FAM47E: variants seen among roughly 807,000 people sequenced by gnomAD.
The protein encoded by FAM47E is family with sequence similarity 47 member E, also known as protein FAM47E.
FAM47E carries 32 observed loss-of-function variants against 41.6 expected under a neutral mutation model. The observed-to-expected ratio is 0.77, with a 90% CI of 0.58 to 1.03. The LOEUF (loss-of-function observed/expected upper bound fraction) is 1.03. Among genes scored for constraint, FAM47E ranks in the 50% least tolerant of loss-of-function variants. The pLI is 0.00. For synonymous variants in FAM47E, 184 were observed against 188.7 expected (o/e 0.98, Z 0.20); for missense variants, 424 against 485.4 (o/e 0.87, Z 1.19).
At chr4:76,214,113 T>C (rs1480645344) in exon 1 of FAM47E, 2 of 410,244 alleles carry the variant, frequency 4.9e-6, no homozygotes, top group African/African-American at 4.1e-5. Flanking sequence ...CATTTACTCA[T>C]TCCGCAGATA....
Position 76,256,309 on chromosome 4 carries a change from T to C in FAM47E, c.206T>C (p.Val69Ala). The change falls in exon 2 of 8, where the codon GTC becomes GCC. Residue 69 changes from valine (V) to alanine (A), a missense_variant. Coordinates refer to ENST00000424749, the MANE Select transcript of FAM47E (RefSeq NM_001136570.3). ...CPPCTGLVTQ[V>A]PVEGFLPQIY... is the part of the protein sequence containing the mutation. ...CCTTGCACTGGTCTGGTGACTCAGG[T>C]CCCTGTGGAGGGCTTTCTGCCCCAG... 1 of 1,551,662 alleles carries C rather than the reference T, an allele frequency of 6.4e-7. No homozygotes were observed. The highest frequency in any genetic ancestry group is 1.2e-5 in the South Asian group (1 of 84,062).
At chr4:76,255,128 G>A (rs7666265) in intron 1 of FAM47E, among the ~76,000 whole-genome samples, 32,638 of 152,034 alleles carry the variant, frequency 0.21, 4,927 homozygotes, top group East Asian at 0.74. Flanking sequence ...CATTTTTCCC[G>A]ATTATTTATG....
Position 76,224,632 on chromosome 4 carries a change from G to A in FAM47E, c.81+6944G>A, listed in dbSNP as rs189671640. 2.0e-5 allele frequency among the ~76,000 whole-genome samples: 3 copies of A among 152,244 alleles called. No individual in the cohort carries two copies. In the East Asian group the frequency reaches 5.8e-4, roughly 29 times the overall value. ...AGGCAGAGTGCAGTGGCATGATTTT[G>A]GTTCACTGCAACCTCTGCCTCCCAG... On this transcript the variant is annotated intron_variant, in intron 2 of 7. Coordinates refer to the FAM47E transcript ENST00000510197.
At chr4:76,268,293 A>G (rs1467232678) in intron 3 of FAM47E, 2 of 186,178 alleles carry the variant, frequency 1.1e-5, no homozygotes, top group Non-Finnish European at 1.1e-5. Flanking sequence ...TAAGAATGTT[A>G]GAGAAGTCAA....
At chr4:76,218,039 C>T (rs150424004) in intron 2 of FAM47E, among the ~76,000 whole-genome samples, 2 of 152,258 alleles carry the variant, frequency 1.3e-5, no homozygotes, top group East Asian at 1.9e-4. Flanking sequence ...ATTTAAAATA[C>T]ACCACAGGCC....
intron 5 of FAM47E, among the ~76,000 whole-genome samples, chr4:76,276,111 A>G (rs1578802248): frequency 2.0e-5 from 3 of 152,072 alleles, no homozygotes; most frequent in African/African-American, 7.2e-5. Flanking sequence ...CCAAATGTCA[A>G]TAGTGCCAAA....
intron 2 of FAM47E, among the ~76,000 whole-genome samples, chr4:76,246,514 G>C (rs1285821294): frequency 6.6e-6 from 1 of 152,056 alleles, no homozygotes; most frequent in Non-Finnish European, 1.5e-5. Context: ...TTATTTTCCT[G>C]ATGGAAAATG....
At chr4:76,269,623 T>TATAAATAAATAAATAA (rs3065480) in intron 4 of FAM47E, 4 of 151,014 alleles carry the variant, frequency 2.6e-5, no homozygotes, top group South Asian at 4.2e-4. Context: ...CTTAAAAAAA[T>TATAAATAAATAAATAA]ATAAATAAAT....
intron 2 of FAM47E, among the ~76,000 whole-genome samples, chr4:76,257,094 T>G (rs1734225965): frequency 6.6e-6 from 1 of 152,162 alleles, no homozygotes; most frequent in Admixed American, 6.5e-5. Flanking sequence ...TCTTTGTATC[T>G]CAAAGTGGCT....
At chr4:76,268,979 G>T in intron 4 of FAM47E, 1 of 564,690 alleles carries the variant, frequency 1.8e-6, no homozygotes, top group Admixed American at 4.0e-5. Flanking sequence ...TGAAATTTCT[G>T]GAAAGGTTGC....
rs779463164 is a variant in FAM47E, at chr4:76,283,369, A to C, written c.1105-12A>C. 152 of 1,397,196 alleles carry C rather than the reference A, an allele frequency of 1.1e-4. No homozygotes were observed. The highest frequency in any genetic ancestry group is 1.4e-4 in the Non-Finnish European group (144 of 1,024,404). The allele number at this position is 1,397,196 out of a possible 1,614,324, so 86.5% of individuals were successfully genotyped here. A position where few individuals can be genotyped will look rare whatever the true frequency, so the allele number is the denominator to read the frequency against. ...TTGCCAATCTAATGAAGGTTCTCTC[A>C]TTTTTTTTTAGTTCCTTGAGAATAT... is the stretch of plus-strand genomic sequence containing the variant. On this transcript the variant is annotated splice_polypyrimidine_tract_variant and intron_variant, in intron 7 of 7. Coordinates refer to ENST00000424749, the MANE Select transcript of FAM47E (RefSeq NM_001136570.3).
At chr4:76,222,012 A>G (rs1733317982) in intron 2 of FAM47E, among the ~76,000 whole-genome samples, 1 of 152,236 alleles carries the variant, frequency 6.6e-6, no homozygotes, top group African/African-American at 2.4e-5. Context: ...GAAGGGATCC[A>G]CCTGGTATAC....
At chr4:76,262,068 G>A (rs1159279967) in intron 2 of FAM47E, among the ~76,000 whole-genome samples, 1 of 152,064 alleles carries the variant, frequency 6.6e-6, no homozygotes, top group Non-Finnish European at 1.5e-5. Flanking sequence ...TGCCAACTTT[G>A]GGGTCTGTAT....
intron 1 of FAM47E, among the ~76,000 whole-genome samples, chr4:76,255,946 A>T (rs780775745): frequency 1.3e-4 from 20 of 152,074 alleles, no homozygotes; most frequent in Non-Finnish European, 2.8e-4. Context: ...GGATGTGGGG[A>T]TAAAATAGAC....
At chr4:76,222,703 C>CT (rs1382194648) in intron 2 of FAM47E, among the ~76,000 whole-genome samples, 2 of 152,196 alleles carry the variant, frequency 1.3e-5, no homozygotes, top group Non-Finnish European at 1.5e-5. Context: ...CTCTCAAACT[C>CT]TATTTACTAT....
chr4:76,274,415 A>T (rs920465282), intron 5 of FAM47E, among the ~76,000 whole-genome samples: 5 of 151,958 alleles, frequency 3.3e-5, no homozygotes, highest in African/African-American at 1.2e-4. Context: ...TCTACAAAAA[A>T]AAATTTAGAA....
intron 7 of FAM47E, chr4:76,282,109 T>C (rs1002028547): frequency 7.2e-5 from 11 of 152,166 alleles, no homozygotes; most frequent in Admixed American, 5.9e-4. Context: ...ATTTACAATA[T>C]AGTGTGTGCG....
rs370522547 is a variant in FAM47E at position 76,252,037 on chromosome 4, C to T, written c.74+217C>T. On this transcript the variant is annotated intron_variant, in intron 1 of 7. Coordinates refer to ENST00000424749, the MANE Select transcript of FAM47E (RefSeq NM_001136570.3). The stretch of plus-strand genomic sequence containing the variant: ...CCTGCTGTCATCCTCACAACCCCCG[C>T]CTCCCACGCCCCCAGGGATGTAGAC... Among the ~76,000 whole-genome samples the T allele has an allele frequency of 9.9e-5, 15 of 152,214 alleles. 1 individual carries two copies. The highest frequency in any genetic ancestry group is 3.6e-4 in the African/African-American group (15 of 41,522).
chr4:76,277,413 G>A (rs6858344), intron 5 of FAM47E, among the ~76,000 whole-genome samples: 56,489 of 151,498 alleles, frequency 0.37, 10,968 homozygotes, highest in Middle Eastern at 0.48. Flanking sequence ...GTGAACCTGC[G>A]AGGCGGAGCT....
Sources: gnomAD v4.1 joint callset for allele counts (sites outside exome capture counted in the v4.1 genomes callset) on GRCh38, gnomAD v4.1.1 for gene constraint, MANE v1.5 for transcripts, NCBI Gene and HGNC (gene_info 2026-07-23, HGNC 2026-07-21) for gene names.